Variants in EPHA3 observed in about 807,000 individuals in gnomAD.
EPHA3 encodes the protein ephrin type-A receptor 3.
EPHA3 carries 42 observed loss-of-function variants against 107.1 expected under a neutral mutation model. The ratio of observed to expected loss-of-function variants is 0.39; its 90% confidence interval spans 0.31 to 0.51. The LOEUF (loss-of-function observed/expected upper bound fraction) is 0.51, where lower values mean the gene tolerates loss of function less well. Ranked by LOEUF, EPHA3 falls within the 20% of genes least tolerant of loss-of-function variation. The probability of loss-of-function intolerance (pLI) is 0.78; values close to 1 mark genes in which losing one functional copy is unlikely to be tolerated. For missense variants in EPHA3, 1,183 were observed against 1,211.2 expected (o/e 0.98, Z 0.35); for synonymous variants, 461 against 424.8 (o/e 1.09, Z -1.05).
chr3:89,340,210 A>C (rs1223174723), intron 3 of EPHA3, among the ~76,000 whole-genome samples: 2 of 152,234 alleles, frequency 1.3e-5, no homozygotes, highest in Non-Finnish European at 2.9e-5. Context: ...GCCAGAAATT[A>C]AAAAGATAAC....
intron 13 of EPHA3, among the ~76,000 whole-genome samples, chr3:89,442,852 A>G (rs1709810605): frequency 6.6e-6 from 1 of 152,216 alleles, no homozygotes; most frequent in African/African-American, 2.4e-5. Flanking sequence ...GCAACAAATC[A>G]TAAGTCTTGT....
chr3:89,373,274 A>C (rs1212467328), intron 5 of EPHA3, among the ~76,000 whole-genome samples: 1 of 151,872 alleles, frequency 6.6e-6, no homozygotes, highest in Non-Finnish European at 1.5e-5. Flanking sequence ...ACTTTTAAAG[A>C]AATTATATTG....
chr3:89,312,930 G>A (rs1706801149), intron 3 of EPHA3, among the ~76,000 whole-genome samples: 1 of 151,840 alleles, frequency 6.6e-6, no homozygotes, highest in Non-Finnish European at 1.5e-5. Flanking sequence ...ATTTTTTATG[G>A]CTGCATAATA....
chr3:89,211,711 TTCC>T (rs1704089566), intron 3 of EPHA3, among the ~76,000 whole-genome samples: 1 of 148,016 alleles, frequency 6.8e-6, no homozygotes, highest in Non-Finnish European at 1.5e-5. Flanking sequence ...CCTCTTCCTC[TTCC>T]TCTTCTTCTT....
At chr3:89,390,785 A>ATTTTTTTTTTTTT (rs528841771) in intron 5 of EPHA3, among the ~76,000 whole-genome samples, 1 of 132,106 alleles carries the variant, frequency 7.6e-6, no homozygotes, top group Non-Finnish European at 1.6e-5. Flanking sequence ...ATTGAAAAGC[A>ATTTTTTTTTTTTT]TTTTTTTTTT....
At chr3:89,332,302 T>G (rs1707305651) in intron 3 of EPHA3, among the ~76,000 whole-genome samples, 1 of 152,240 alleles carries the variant, frequency 6.6e-6, no homozygotes, top group Non-Finnish European at 1.5e-5. Flanking sequence ...GGACATATTT[T>G]AGTGTTACTG....
chr3:89,318,398 G>C (rs1190190035), intron 3 of EPHA3, among the ~76,000 whole-genome samples: 1 of 151,718 alleles, frequency 6.6e-6, no homozygotes. Flanking sequence ...TTTGGGTGTG[G>C]GGCATGGGGG....
At chr3:89,431,530 T>C (rs905124035) in intron 13 of EPHA3, among the ~76,000 whole-genome samples, 171 bp downstream of exon 13, 2 of 152,140 alleles carry the variant, frequency 1.3e-5, no homozygotes, top group African/African-American at 4.8e-5. Context: ...AAATAGATGG[T>C]CACTGTTTAA....
In EPHA3 at chr3:89,291,417, G is replaced by A. The variant is rs147350157; in HGVS notation, c.815-49499G>A. On this transcript the variant is annotated intron_variant, in intron 3 of 16. Coordinates refer to ENST00000336596, the MANE Select transcript of EPHA3 (RefSeq NM_005233.6). The stretch of plus-strand genomic sequence containing the variant: ...AATTTTCAGTATTTTGGATTTCAAA[G>A]TATTATCTAGAAATTATGTAATGTG... Among the ~76,000 whole-genome samples the A allele has an allele frequency of 3.6e-3, 544 of 152,142 alleles. 3 individuals are homozygous for A. The highest frequency in any genetic ancestry group is 0.012 in the African/African-American group (483 of 41,532).
intron 2 of EPHA3, among the ~76,000 whole-genome samples, chr3:89,186,955 A>G (rs1215987904): frequency 1.3e-5 from 2 of 152,106 alleles, no homozygotes; most frequent in Non-Finnish European, 2.9e-5. Context: ...GAGTTATGCC[A>G]TGCAAAATGA....
chr3:89,376,787 A>C (rs1284113772), intron 5 of EPHA3, among the ~76,000 whole-genome samples: 1 of 152,044 alleles, frequency 6.6e-6, no homozygotes. Flanking sequence ...GTTATTTGCC[A>C]TTTCCTTAAA....
chr3:89,223,781 A>T (rs1264619308), intron 3 of EPHA3, among the ~76,000 whole-genome samples: 2 of 151,994 alleles, frequency 1.3e-5, no homozygotes, highest in South Asian at 2.1e-4. Context: ...GTAGATCTAG[A>T]ATAATATCTA....
chr3:89,289,496 C>CTG (rs1485572632), intron 3 of EPHA3, among the ~76,000 whole-genome samples: 1 of 152,070 alleles, frequency 6.6e-6, no homozygotes, highest in Non-Finnish European at 1.5e-5. Flanking sequence ...AGTAGACAGG[C>CTG]TGTGCTAAGC....
intron 2 of EPHA3, among the ~76,000 whole-genome samples, chr3:89,148,063 A>C (rs368046082): frequency 7.9e-5 from 12 of 152,120 alleles, no homozygotes; most frequent in African/African-American, 2.9e-4. Flanking sequence ...TCTAGAATGT[A>C]CAAAGATTTT....
At chr3:89,210,897 A>T (rs747321876) in intron 3 of EPHA3, among the ~76,000 whole-genome samples, 5 of 152,130 alleles carry the variant, frequency 3.3e-5, no homozygotes, top group Non-Finnish European at 5.9e-5. Flanking sequence ...ATTCTAACAG[A>T]ATTAGATACT....
chr3:89,159,253 T>C (rs1356002883), intron 2 of EPHA3, among the ~76,000 whole-genome samples: 1 of 152,140 alleles, frequency 6.6e-6, no homozygotes, highest in Non-Finnish European at 1.5e-5. Context: ...TTTACCAAAA[T>C]CAGATGCATG....
chr3:89,316,585 A>T (rs1204388621), intron 3 of EPHA3, among the ~76,000 whole-genome samples: 1 of 147,062 alleles, frequency 6.8e-6, no homozygotes, highest in Non-Finnish European at 1.5e-5. Context: ...AAGGAGATTA[A>T]TCACAAAGCA....
chr3:89,467,742 A>T (rs1056466755), intron 15 of EPHA3, among the ~76,000 whole-genome samples: 1 of 152,216 alleles, frequency 6.6e-6, no homozygotes, highest in Admixed American at 6.5e-5. Context: ...AAATCTTAAT[A>T]GAAAGAGAGA....
At position 89,481,325 on chromosome 3, in the gene EPHA3, T is replaced by C. The variant is rs1710617834; in HGVS notation, c.*1823T>C. 1 of 232,228 alleles carries C rather than the reference T, an allele frequency of 4.3e-6. No individual in the cohort carries two copies. Among genetic ancestry groups the C allele is most frequent in the Non-Finnish European group, 8.5e-6 (1 of 117,396 alleles). The allele number at this position is 232,228 out of a possible 1,614,324, so 14.4% of individuals were successfully genotyped here. On this transcript the variant is annotated 3_prime_UTR_variant, in exon 17 of 17. Coordinates refer to ENST00000336596, the MANE Select transcript of EPHA3 (RefSeq NM_005233.6). ...CTTAGTCAAATCAGGCTACTAGAAT[T>C]CTGTATTGGATATATAAGAGCATGA...
Sources: gnomAD v4.1 joint callset for allele counts (sites outside exome capture counted in the v4.1 genomes callset) on GRCh38, gnomAD v4.1.1 for gene constraint, MANE v1.5 for transcripts, NCBI Gene and HGNC (gene_info 2026-07-23, HGNC 2026-07-21) for gene names.